Variants in KHDRBS2 observed in about 807,000 individuals in gnomAD.
The protein encoded by KHDRBS2 is KH RNA binding domain containing, signal transduction associated 2.
A neutral mutation model predicts 44.3 loss-of-function variants in KHDRBS2; 26 were observed. The ratio of observed to expected loss-of-function variants is 0.59; its 90% CI spans 0.43 to 0.81. The LOEUF is 0.81. KHDRBS2 is among the 40% of genes least tolerant of loss of function. The pLI, the probability that KHDRBS2 is intolerant of heterozygous loss-of-function variation, is 0.00. For missense variants in KHDRBS2, 476 were observed against 433.1 expected (o/e 1.10, Z -0.88); for synonymous variants, 194 against 151.1 (o/e 1.28, Z -2.08).
the KHDRBS2 span, among the ~76,000 whole-genome samples, chr6:61,547,598 G>C: frequency 6.6e-6 from 1 of 151,994 alleles, no homozygotes; most frequent in African/African-American, 2.4e-5. Context: ...TTGTGCTTTG[G>C]TAGAGCAGTG....
chr6:61,679,161 C>CA (rs752134279), downstream of KHDRBS2, among the ~76,000 whole-genome samples: 48 of 151,950 alleles, frequency 3.2e-4, no homozygotes, highest in Non-Finnish European at 5.0e-4. Flanking sequence ...CCACCATAAA[C>CA]AAAAAAACTG....
At chr6:62,095,438 A>G in intron 2 of KHDRBS2, among the ~76,000 whole-genome samples, 1 of 151,794 alleles carries the variant, frequency 6.6e-6, no homozygotes. Flanking sequence ...ATACACAAAT[A>G]CTATTGTGTT....
At chr6:61,816,809 C>T (rs1342010484) in intron 6 of KHDRBS2, 2 of 379,272 alleles carry the variant, frequency 5.3e-6, no homozygotes, top group East Asian at 7.3e-5. Context: ...CTCCCACATA[C>T]ATTTTATATT....
intron 4 of KHDRBS2, among the ~76,000 whole-genome samples, chr6:61,925,688 C>A (rs944730965): frequency 2.7e-5 from 4 of 149,076 alleles, no homozygotes; most frequent in African/African-American, 9.9e-5. Flanking sequence ...GACCACTGCA[C>A]TCTAGCCTGG....
the KHDRBS2 span, among the ~76,000 whole-genome samples, chr6:61,637,705 G>C: frequency 6.6e-6 from 1 of 152,054 alleles, no homozygotes; most frequent in Non-Finnish European, 1.5e-5. Context: ...GTTGTTTCCT[G>C]ACTTTTTAAT....
chr6:61,773,515 T>G (rs1423376409), intron 6 of KHDRBS2, among the ~76,000 whole-genome samples: 1 of 152,052 alleles, frequency 6.6e-6, no homozygotes, highest in African/African-American at 2.4e-5. Flanking sequence ...TAAATTTGTT[T>G]TGAGTTCATT....
chr6:61,879,249 A>G (rs1163060469), intron 6 of KHDRBS2, among the ~76,000 whole-genome samples: 1 of 151,964 alleles, frequency 6.6e-6, no homozygotes, highest in Non-Finnish European at 1.5e-5. Context: ...ACTACTTCAC[A>G]CCCACTTTAT....
chr6:62,049,342 C>T (rs978898576), intron 2 of KHDRBS2, among the ~76,000 whole-genome samples: 4 of 151,806 alleles, frequency 2.6e-5, no homozygotes, highest in African/African-American at 9.7e-5. Context: ...CTTTCATGAC[C>T]TCTTTCACAC....
At chr6:61,603,160 T>C in the KHDRBS2 span, among the ~76,000 whole-genome samples, 1 of 152,156 alleles carries the variant, frequency 6.6e-6, no homozygotes, top group Non-Finnish European at 1.5e-5. Context: ...AGCATGGCCT[T>C]TTAAAGCCTA....
intron 4 of KHDRBS2, among the ~76,000 whole-genome samples, chr6:61,923,641 A>G (rs79772108): frequency 0.018 from 2,754 of 152,208 alleles, 81 homozygotes; most frequent in African/African-American, 0.062. Flanking sequence ...TCTGACCACA[A>G]AAACTCAGCT....
At chr6:61,846,784 CAT>C (rs142483867) in intron 6 of KHDRBS2, among the ~76,000 whole-genome samples, 28,028 of 149,496 alleles carry the variant, frequency 0.19, 2,641 homozygotes, top group Non-Finnish European at 0.21. Flanking sequence ...CTTGTAAGTA[CAT>C]ATATATATAT....
At chr6:62,020,307 A>G (rs1782022309) in intron 3 of KHDRBS2, among the ~76,000 whole-genome samples, 1 of 152,040 alleles carries the variant, frequency 6.6e-6, no homozygotes, top group South Asian at 2.1e-4. Flanking sequence ...TGGTCAGACA[A>G]TATCCTTTTA....
chr6:62,107,635 A>T (rs1803786868), intron 2 of KHDRBS2, among the ~76,000 whole-genome samples: 1 of 152,216 alleles, frequency 6.6e-6, no homozygotes. Context: ...CGCATCGCCA[A>T]GTCAATCCTA....
the KHDRBS2 span, among the ~76,000 whole-genome samples, chr6:61,572,445 G>A: frequency 6.6e-6 from 1 of 151,824 alleles, no homozygotes; most frequent in African/African-American, 2.4e-5. Flanking sequence ...GATAAAGAGG[G>A]AATCTCCCCT....
At chr6:61,989,270 A>G (rs1042615957) in intron 3 of KHDRBS2, among the ~76,000 whole-genome samples, 1 of 152,126 alleles carries the variant, frequency 6.6e-6, no homozygotes, top group African/African-American at 2.4e-5. Flanking sequence ...AAATGTAAAC[A>G]TCATTGGAGA....
chr6:62,122,968 G>A (rs1808053046), intron 2 of KHDRBS2, among the ~76,000 whole-genome samples: 1 of 151,896 alleles, frequency 6.6e-6, no homozygotes, highest in Non-Finnish European at 1.5e-5. Flanking sequence ...TGTTACATAG[G>A]TATACGTGTG....
At chr6:61,551,950 C>T in the KHDRBS2 span, among the ~76,000 whole-genome samples, 1 of 151,634 alleles carries the variant, frequency 6.6e-6, no homozygotes, top group African/African-American at 2.4e-5. Flanking sequence ...TGATTTGGCT[C>T]CCAACTTGGA....
chr6:61,848,616 G>T (rs1795001197), intron 6 of KHDRBS2, among the ~76,000 whole-genome samples: 2 of 120,900 alleles, frequency 1.7e-5, no homozygotes, highest in East Asian at 2.3e-4. Flanking sequence ...TCGATTCCAG[G>T]CTTTTTTCAT....
At chr6:62,040,294 G>A (rs1000742617) in intron 3 of KHDRBS2, among the ~76,000 whole-genome samples, 9 of 151,852 alleles carry the variant, frequency 5.9e-5, no homozygotes, top group African/African-American at 1.9e-4. Flanking sequence ...ATCAATCTGC[G>A]CTTATCGCCA....
Sources: gnomAD v4.1 joint callset for allele counts (sites outside exome capture counted in the v4.1 genomes callset) on GRCh38, gnomAD v4.1.1 for gene constraint, MANE v1.5 for transcripts, NCBI Gene and HGNC (gene_info 2026-07-23, HGNC 2026-07-21) for gene names.